MDN1: variants seen among roughly 807,000 people sequenced by gnomAD.
MDN1 encodes midasin AAA ATPase 1.
Under a neutral mutation model 669.2 loss-of-function variants are expected in MDN1, and 266 were observed. The observed-to-expected ratio is 0.40, with a 90% CI of 0.36 to 0.44. The LOEUF (loss-of-function observed/expected upper bound fraction) is 0.44. MDN1 is among the 20% of genes least tolerant of loss of function. The pLI is 1.00. For synonymous variants in MDN1, 2,385 were observed against 2,457.1 expected, an observed-to-expected ratio of 0.97 and a Z score of 0.87; for missense variants, 5,940 against 6,754.0, an observed-to-expected ratio of 0.88 and a Z score of 4.22.
At chr6:89,788,733 GA>G (rs1197197125) in intron 7 of MDN1, among the ~76,000 whole-genome samples, 1 of 152,092 alleles carries the variant, frequency 6.6e-6, no homozygotes, top group East Asian at 1.9e-4. Flanking sequence ...TAGACTAGAG[GA>G]AAAACGGCCA....
Position 89,692,495 on chromosome 6 carries a change from C to CAT in MDN1, c.10533_10534dup (p.Cys3512TyrfsTer31). 6.2e-7 allele frequency: 1 copy of CAT among 1,614,184 alleles called. No individual in the cohort carries two copies. The highest frequency in any genetic ancestry group is 8.5e-7 in the Non-Finnish European group (1 of 1,180,012). ...GGCCCTCTGGTCCAACTCTCCCTTG[C>CAT]ATAACACGTGGGAGCGCAGGTAAAG... On this transcript the variant is annotated frameshift_variant, in exon 63 of 102. Transcript: ENST00000369393. LOFTEE classifies it high-confidence loss of function.
rs553239354 is a variant in MDN1, at chr6:89,789,801, A to G, written c.1209T>C (p.Ile403=). The G allele has an allele frequency of 6.2e-7, 1 of 1,612,994 alleles. No homozygotes were observed. The highest frequency in any genetic ancestry group is 1.1e-5 in the South Asian group (1 of 90,830). ...ATACCACGTCTAAGGGGGCATAGTC[A>G]ATATCCTCCAGAAGGATCCAGTGGC... ...TMGHWILLED[I]DYAPLDVVSV... is the part of the protein sequence containing the mutation. Residue 403 remains isoleucine (I), a synonymous_variant, in exon 7 of 102, where the codon ATT becomes ATC. Transcript: ENST00000369393.
chr6:89,781,673 T>C (rs1489500196), intron 9 of MDN1, 81 bp from the exon 10 acceptor site: 2 of 1,266,024 alleles, frequency 1.6e-6, no homozygotes. Context: ...CTGAAACTGG[T>C]CAGCCAAAAA....
intron 15 of MDN1, among the ~76,000 whole-genome samples, chr6:89,767,218 T>C (rs1431860538): frequency 6.6e-6 from 1 of 152,194 alleles, no homozygotes; most frequent in Non-Finnish European, 1.5e-5. Context: ...GTCTACATGC[T>C]GCTTACCAGA....
Position 89,780,072 on chromosome 6 carries a change from A to C in MDN1, c.1725+140T>G, listed in dbSNP as rs1818585155. On this transcript the variant is annotated intron_variant, in intron 11 of 101. Transcript: ENST00000369393. ...CAAGAGCGAGAGACTTCGTCTCAAA[A>C]AAAAAAAACAAAAAAAGAATAACAA... is the stretch of plus-strand genomic sequence containing the variant. 1.1e-5 allele frequency: 6 copies of C among 540,866 alleles called. No individual in the cohort carries two copies. The East Asian group carries it at 2.0e-4, about 18-fold the overall frequency. The allele number at this position is 540,866 out of a possible 1,614,324, so 33.5% of individuals were successfully genotyped here. A position where few individuals can be genotyped will look rare whatever the true frequency, so the allele number is the denominator to read the frequency against.
At chr6:89,760,742 A>T (rs1050680940) in intron 17 of MDN1, among the ~76,000 whole-genome samples, 1 of 152,252 alleles carries the variant, frequency 6.6e-6, no homozygotes, top group Non-Finnish European at 1.5e-5. Flanking sequence ...CAAGCCAGGC[A>T]CAGAAAGACA....
intron 84 of MDN1, among the ~76,000 whole-genome samples, chr6:89,666,515 T>G (rs1423645249): frequency 2.6e-5 from 4 of 152,196 alleles, no homozygotes; most frequent in Admixed American, 2.6e-4. Flanking sequence ...TTTAATTTTA[T>G]AGAGACAGTG....
intron 21 of MDN1, 42 bp from the exon 22 acceptor site, chr6:89,753,664 C>CT: frequency 6.9e-7 from 1 of 1,445,252 alleles, no homozygotes; most frequent in Non-Finnish European, 9.7e-7. Context: ...AAATAACCTT[C>CT]TGCAATACAA....
chr6:89,755,488 C>T (rs1330631508), intron 20 of MDN1, among the ~76,000 whole-genome samples: 3 of 151,950 alleles, frequency 2.0e-5, no homozygotes, highest in African/African-American at 7.3e-5. Context: ...CCTGACTCCT[C>T]TAGAATTAAA....
At chr6:89,648,384 CCT>C (rs1337254673) in intron 97 of MDN1, 55 bp from the exon 98 acceptor site, 1 of 1,517,726 alleles carries the variant, frequency 6.6e-7, no homozygotes, top group African/African-American at 1.4e-5. Context: ...TAAACCAGAG[CCT>C]CTCAACTATT....
intron 12 of MDN1, among the ~76,000 whole-genome samples, chr6:89,776,233 T>C (rs1222666543): frequency 6.6e-6 from 1 of 152,020 alleles, no homozygotes; most frequent in African/African-American, 2.4e-5. Flanking sequence ...AGGCAGAGGC[T>C]GGTGGGTCAC....
In MDN1 at chr6:89,746,611, AAAAGAAAGAAAGAAAG is replaced by A. The variant is rs35724331; in HGVS notation, c.3904+702_3904+717del. Among the ~76,000 whole-genome samples, 24 of 40,548 alleles carry A rather than the reference AAAAGAAAGAAAGAAAG, an allele frequency of 5.9e-4. 2 individuals carry two copies. Among genetic ancestry groups the A allele is most frequent in the South Asian group, 2.0e-3 (2 of 976 alleles). The allele number at this position is 40,548 out of a possible 152,430, so 26.6% of individuals were successfully genotyped here. A position where few individuals can be genotyped will look rare whatever the true frequency, so the allele number is the denominator to read the frequency against. On this transcript the variant is annotated intron_variant, in intron 27 of 101. Coordinates refer to ENST00000369393, the MANE Select transcript of MDN1 (RefSeq NM_014611.3). ...TCTATCTCAAAAAAAAAAAAAAAAA[AAAAGAAAGAAAGAAAG>A]AAAGAAAGAAAGAAAGAAAGAAAAA... is the stretch of plus-strand genomic sequence containing the variant.
At chr6:89,758,487 G>A in intron 18 of MDN1, 136 bp from the exon 19 acceptor site, 1 of 715,852 alleles carries the variant, frequency 1.4e-6, no homozygotes, top group Admixed American at 2.8e-5. Flanking sequence ...TAACTTTCCA[G>A]ACCTATGTAT....
rs766987937 is a variant in MDN1, at chr6:89,675,562, G to A, written c.12663C>T (p.Asn4221=). 9.3e-6 allele frequency: 15 copies of A among 1,613,610 alleles called. No homozygotes were observed. The highest frequency in any genetic ancestry group is 1.3e-5 in the Non-Finnish European group (15 of 1,179,932). The change falls in exon 78 of 102, where the codon AAC becomes AAT. Residue 4221 remains asparagine, a synonymous_variant. Coordinates refer to ENST00000369393, the MANE Select transcript of MDN1 (RefSeq NM_014611.3). Reference sequence around the variant, plus strand: ...CTGAGAACCCTCTGCACCTCTCCACGTTGCCCATGCCCATTTCCTGGCAGA... The same window carrying A: ...CTGAGAACCCTCTGCACCTCTCCACATTGCCCATGCCCATTTCCTGGCAGA... ...ATPAKEMGMG[N]VERCRGFSAH... is the part of the protein sequence containing the mutation.
intron 38 of MDN1, 115 bp downstream of exon 38, chr6:89,725,084 G>T: frequency 1.1e-6 from 1 of 926,868 alleles, no homozygotes. Context: ...CAAGAAAGAG[G>T]ATCATTAAGC....
At chr6:89,660,263 G>A (rs1188147375) in intron 88 of MDN1, among the ~76,000 whole-genome samples, 2 of 152,142 alleles carry the variant, frequency 1.3e-5, no homozygotes, top group African/African-American at 4.8e-5. Context: ...ATGGCCTACT[G>A]CAGCCTCAAC....
chr6:89,702,090 G>C (rs768789110), intron 53 of MDN1, 29 bp from the exon 54 acceptor site: 11 of 1,554,002 alleles, frequency 7.1e-6, no homozygotes, highest in Non-Finnish European at 9.5e-6. Flanking sequence ...AGATAAGATG[G>C]CATGAAGAAA....
rs1349242096 is a variant in MDN1, at chr6:89,695,404, A to G, written c.9771+201T>C. Reference sequence around the variant, plus strand: ...CAGAACCTTAGGAAGGGCTCCTCCCAGAGCATGAGTATAGTCAGGACAACT... The same window carrying G: ...CAGAACCTTAGGAAGGGCTCCTCCCGGAGCATGAGTATAGTCAGGACAACT... On this transcript the variant is annotated intron_variant, in intron 61 of 101. Coordinates refer to ENST00000369393, the MANE Select transcript of MDN1 (RefSeq NM_014611.3). This position sits in a 1 kb window ranked among gnomAD's most constrained non-coding sequence, Gnocchi z 4.1. Among the ~76,000 whole-genome samples, 1 of 152,206 alleles carries G rather than the reference A, an allele frequency of 6.6e-6. No individual in the cohort carries two copies. The highest frequency in any genetic ancestry group is 2.4e-5 in the African/African-American group (1 of 41,448).
chr6:89,669,451 T>A (rs1052952491), intron 83 of MDN1, among the ~76,000 whole-genome samples: 3 of 152,226 alleles, frequency 2.0e-5, no homozygotes, highest in Non-Finnish European at 4.4e-5. Context: ...ATCCTCTTGA[T>A]ACAAGGCATT....
Sources: allele counts gnomAD v4.1 joint callset (sites outside exome capture counted in the v4.1 genomes callset), GRCh38; gene constraint gnomAD v4.1.1; non-coding constraint Gnocchi (gnomAD v3.1); transcripts MANE v1.5; gene names NCBI Gene and HGNC (gene_info 2026-07-23, HGNC 2026-07-21).